The following NWD1 variants were observed in gnomAD, a reference collection of about 807,000 sequenced individuals.
NWD1 encodes the protein NACHT and WD repeat domain containing 1, also known as NACHT domain- and WD repeat-containing protein 1.
A neutral mutation model predicts 135.1 loss-of-function variants in NWD1; 129 were observed. That is an observed-to-expected ratio of 0.96 (90% CI 0.83 to 1.11). The LOEUF is 1.11. Among genes scored for constraint, NWD1 ranks in the 50% least tolerant of loss-of-function variants. The probability of loss-of-function intolerance (pLI) is 0.00; values close to 1 mark genes in which losing one functional copy is unlikely to be tolerated. For missense variants in NWD1, 1,740 were observed against 1,851.3 expected, an observed-to-expected ratio of 0.94 and a Z score of 1.10; for synonymous variants, 773 against 786.0, an observed-to-expected ratio of 0.98 and a Z score of 0.28.
intron 12 of NWD1, among the ~76,000 whole-genome samples, chr19:16,781,603 G>A (rs1244143558): frequency 1.3e-5 from 2 of 151,408 alleles, no homozygotes; most frequent in East Asian, 1.9e-4. Flanking sequence ...GCAACACAGC[G>A]AGACCCTATC....
chr19:16,759,349 G>A lies in NWD1; in HGVS notation c.1894G>A (p.Val632Met). 1.2e-6 allele frequency: 2 copies of A among 1,613,506 alleles called. No homozygotes were observed. The highest frequency in any genetic ancestry group is 1.7e-6 in the Non-Finnish European group (2 of 1,179,810). The change falls in exon 7 of 19, where the codon GTG becomes ATG. Residue 632 changes from valine to methionine, a missense_variant. Transcript: ENST00000524140. ...GCTGCGCTTCCCGCCCCTGCTGTGGGTGCGGCTTCGTCGGGATCTGGGATA... is the reference window on the plus strand; with the variant it reads ...GCTGCGCTTCCCGCCCCTGCTGTGGATGCGGCTTCGTCGGGATCTGGGATA... ...ELLRFPPLLW[V>M]RLRRDLGYYL... is the part of the protein sequence containing the mutation.
Position 16,732,677 on chromosome 19 carries a change from T to TAAAAAAAAAAAAAAAAAA in NWD1, c.81+1399_81+1400insAAAAAAAAAAAAAAAAAA, listed in dbSNP as rs1464805489. 1.2e-3 allele frequency among the ~76,000 whole-genome samples: 105 copies of TAAAAAAAAAAAAAAAAAA among 85,112 alleles called. 22 individuals are homozygous for TAAAAAAAAAAAAAAAAAA. The highest frequency in any genetic ancestry group is 2.8e-3 in the African/African-American group (45 of 16,146). 55.8% of individuals were successfully genotyped at this position (85,112 alleles called of 152,430 possible). A position where few individuals can be genotyped will look rare whatever the true frequency, so the allele number is the denominator to read the frequency against. The stretch of plus-strand genomic sequence containing the variant: ...CTCAAAAAAAAAAAAAAAGAAAAAG[T>TAAAAAAAAAAAAAAAAAA]GAAAAAGTGCAGTGGTGTGATCTCA... On this transcript the variant is annotated intron_variant, in intron 3 of 18. Transcript: ENST00000524140.
At chr19:16,734,162 C>T (rs1166400281) in intron 3 of NWD1, among the ~76,000 whole-genome samples, 3 of 152,158 alleles carry the variant, frequency 2.0e-5, no homozygotes, top group African/African-American at 7.2e-5. Context: ...CCAAACTAAA[C>T]ACCCTCCTTT....
chr19:16,762,807 C>A (rs745610229), intron 8 of NWD1, among the ~76,000 whole-genome samples: 1 of 151,672 alleles, frequency 6.6e-6, no homozygotes, highest in Non-Finnish European at 1.5e-5. Context: ...TCCTTCCTGA[C>A]AGAGTCTTGC....
intron 15 of NWD1, among the ~76,000 whole-genome samples, chr19:16,795,441 G>A (rs1001683906): frequency 2.1e-5 from 3 of 140,772 alleles, no homozygotes; most frequent in Admixed American, 7.3e-5. Context: ...TTTTGAGACC[G>A]AGTCTCGCTC....
At chr19:16,761,697 A>G (rs1419624786) in intron 7 of NWD1, among the ~76,000 whole-genome samples, 1 of 152,192 alleles carries the variant, frequency 6.6e-6, no homozygotes, top group Non-Finnish European at 1.5e-5. Flanking sequence ...GTATATACCC[A>G]GGAGTGGATT....
At chr19:16,789,506 A>G (rs1970169612) in intron 13 of NWD1, among the ~76,000 whole-genome samples, 2 of 152,142 alleles carry the variant, frequency 1.3e-5, no homozygotes, top group Non-Finnish European at 2.9e-5. Context: ...TTTCATTTAC[A>G]TTCAGTTTAA....
intron 13 of NWD1, among the ~76,000 whole-genome samples, chr19:16,790,993 A>G (rs1049778204): frequency 9.2e-5 from 14 of 152,128 alleles, no homozygotes; most frequent in Non-Finnish European, 2.1e-4. Context: ...GCACTTTGAG[A>G]GGCTGAGCAG....
In NWD1 at chr19:16,815,189, A is replaced by G; in HGVS notation, c.*150A>G. ...GCAGGACCCTCTTAAGAACTTCAAG[A>G]AGGCAATGTGGATGGTCAAATCCAG... On this transcript the variant is annotated 3_prime_UTR_variant, in exon 19 of 19. Coordinates refer to ENST00000524140, the MANE Select transcript of NWD1 (RefSeq NM_001007525.5). 1 of 851,838 alleles carries G rather than the reference A, an allele frequency of 1.2e-6. No homozygotes were observed. Among genetic ancestry groups the G allele is most frequent in the Non-Finnish European group, 2.1e-6 (1 of 483,054 alleles). The allele number at this position is 851,838 out of a possible 1,614,324, so 52.8% of individuals were successfully genotyped here.
intron 16 of NWD1, among the ~76,000 whole-genome samples, chr19:16,798,217 T>C (rs975531901): frequency 1.3e-5 from 2 of 152,196 alleles, no homozygotes; most frequent in African/African-American, 2.4e-5. Context: ...GAAAAGTAGA[T>C]GGTGAAATAG....
intron 17 of NWD1, chr19:16,801,380 A>C (rs1970597576): frequency 6.6e-6 from 1 of 152,390 alleles, no homozygotes; most frequent in African/African-American, 2.4e-5. Context: ...TTGAGGCTAC[A>C]GTGAGTCATG....
At chr19:16,743,205 C>T (rs976047636) in intron 4 of NWD1, among the ~76,000 whole-genome samples, 9 of 151,356 alleles carry the variant, frequency 5.9e-5, no homozygotes, top group Non-Finnish European at 1.2e-4. Context: ...GCCACCTTGC[C>T]TGGCCCCATT....
At chr19:16,753,829 T>TCATCCATC (rs79060014) in intron 6 of NWD1, among the ~76,000 whole-genome samples, 2,249 of 135,004 alleles carry the variant, frequency 0.017, 24 homozygotes, top group Middle Eastern at 0.05. Context: ...ATCATCTCTA[T>TCATCCATC]CATCCATCCA....
chr19:16,807,031 T>G (rs1970766487), intron 17 of NWD1, among the ~76,000 whole-genome samples: 1 of 150,624 alleles, frequency 6.6e-6, no homozygotes, highest in Admixed American at 6.6e-5. Flanking sequence ...AAACAAAAAA[T>G]AAAAAAATTA....
intron 7 of NWD1, 72 bp downstream of exon 7, chr19:16,759,500 G>A: frequency 9.0e-7 from 1 of 1,112,142 alleles, no homozygotes; most frequent in South Asian, 1.3e-5. Context: ...CTGGCCGGGG[G>A]TCTTCTCAGT....
intron 11 of NWD1, among the ~76,000 whole-genome samples, chr19:16,776,113 G>A (rs1418636117): frequency 6.6e-6 from 1 of 152,174 alleles, no homozygotes; most frequent in Non-Finnish European, 1.5e-5. Flanking sequence ...TGTCTGTCAT[G>A]GCACAGGCAT....
Position 16,793,300 on chromosome 19 carries a change from C to G in NWD1, c.3214-1163C>G, listed in dbSNP as rs577902242. ...TCAGGCGGGAGTGCAGTGGCACGAT[C>G]ATGGCTCCCTGCAGCCTCGACCTCC... On this transcript the variant is annotated intron_variant, in intron 14 of 18. Transcript: ENST00000524140. 1.6e-4 allele frequency among the ~76,000 whole-genome samples: 25 copies of G among 152,234 alleles called. No homozygotes were observed. The South Asian group carries it at 5.0e-3, about 30-fold the overall frequency.
At chr19:16,743,100 G>T (rs1397729224) in intron 4 of NWD1, among the ~76,000 whole-genome samples, 3 of 151,534 alleles carry the variant, frequency 2.0e-5, no homozygotes, top group Non-Finnish European at 2.9e-5. Flanking sequence ...TTTAGTAGGG[G>T]TTTCACCATG....
At chr19:16,751,931 A>G (rs1352028966) in intron 6 of NWD1, among the ~76,000 whole-genome samples, 1 of 151,616 alleles carries the variant, frequency 6.6e-6, no homozygotes, top group Non-Finnish European at 1.5e-5. Context: ...GAAAGAGGAA[A>G]GAAGAAAGGA....
Sources: gnomAD v4.1 joint callset for allele counts (sites outside exome capture counted in the v4.1 genomes callset) on GRCh38, gnomAD v4.1.1 for gene constraint, MANE v1.5 for transcripts, NCBI Gene and HGNC (gene_info 2026-07-23, HGNC 2026-07-21) for gene names.